The following DLGAP1 variants were observed in gnomAD, a reference collection of about 807,000 sequenced individuals.
DLGAP1 encodes disks large-associated protein 1.
In DLGAP1, 11 loss-of-function variants were observed where a neutral mutation model predicts 90.8. The ratio of observed to expected loss-of-function variants is 0.12; its 90% CI spans 0.08 to 0.20. The LOEUF is 0.20. Ranked by LOEUF, DLGAP1 falls within the 10% of genes least tolerant of loss-of-function variation. The pLI is 1.00. For missense variants in DLGAP1, 1,050 were observed against 1,333.8 expected, an observed-to-expected ratio of 0.79 and a Z score of 3.31; for synonymous variants, 558 against 540.7, an observed-to-expected ratio of 1.03 and a Z score of -0.44.
chr18:4,356,548 A>C (rs1426181182), intron 1 of DLGAP1, among the ~76,000 whole-genome samples: 2 of 152,142 alleles, frequency 1.3e-5, no homozygotes, highest in African/African-American at 4.8e-5. Context: ...ATCATGTCCA[A>C]TCCATCAGAA....
chr18:4,083,768 G>C (rs2075644929), intron 2 of DLGAP1, among the ~76,000 whole-genome samples: 1 of 152,116 alleles, frequency 6.6e-6, no homozygotes, highest in African/African-American at 2.4e-5. Context: ...GTCATGGGGA[G>C]CGTGGGCTCT....
intron 7 of DLGAP1, among the ~76,000 whole-genome samples, chr18:3,710,232 T>C (rs2061557867): frequency 6.6e-6 from 1 of 152,108 alleles, no homozygotes; most frequent in South Asian, 2.1e-4. Flanking sequence ...CTTATCCTAC[T>C]CCTACCAAAA....
chr18:3,980,516 T>A (rs2073705267), intron 3 of DLGAP1, among the ~76,000 whole-genome samples: 2 of 152,212 alleles, frequency 1.3e-5, no homozygotes, highest in Admixed American at 1.3e-4. Flanking sequence ...TTTAAATGTG[T>A]TTGCAAAAGG....
chr18:3,640,434 C>T (rs1041221493), intron 7 of DLGAP1, among the ~76,000 whole-genome samples: 6 of 152,192 alleles, frequency 3.9e-5, no homozygotes, highest in African/African-American at 7.2e-5. Flanking sequence ...TGCTACACAG[C>T]GAGACAGACA....
intron 4 of DLGAP1, among the ~76,000 whole-genome samples, chr18:3,847,804 C>G (rs143159603): frequency 3.9e-5 from 6 of 152,012 alleles, no homozygotes; most frequent in Admixed American, 6.6e-5. Context: ...AGTGCCTACA[C>G]AAAGTGCCCC....
intron 2 of DLGAP1, among the ~76,000 whole-genome samples, chr18:4,101,449 T>A (rs2075776726): frequency 6.6e-6 from 1 of 152,160 alleles, no homozygotes; most frequent in Admixed American, 6.5e-5. Flanking sequence ...CTACAATAGA[T>A]AACATACTCA....
rs185789948 is a variant in DLGAP1 at position 4,295,226 on chromosome 18, G to A, written c.-266-143939C>T. On this transcript the variant is annotated intron_variant, in intron 1 of 12. Transcript: ENST00000315677. ...TGTGGTACCCAGTTGGTGCAGACGC[G>A]AAATTCATCTGTTTCTTTATGTTTT... is the stretch of plus-strand genomic sequence containing the variant. 13 of 152,200 alleles carry A rather than the reference G, an allele frequency of 8.5e-5. 2 individuals are homozygous for A. The East Asian group carries it at 2.3e-3, about 27-fold the overall frequency. 9.4% of individuals were successfully genotyped at this position (152,200 alleles called of 1,614,324 possible).
At chr18:3,593,268 C>A (rs953743682) in intron 7 of DLGAP1, among the ~76,000 whole-genome samples, 3 of 152,230 alleles carry the variant, frequency 2.0e-5, no homozygotes, top group Non-Finnish European at 2.9e-5. Flanking sequence ...GAGTGGTCAA[C>A]AAGGGGTGCA....
chr18:4,116,235 T>A (rs914555429), intron 2 of DLGAP1, among the ~76,000 whole-genome samples: 1 of 152,186 alleles, frequency 6.6e-6, no homozygotes, highest in Non-Finnish European at 1.5e-5. Context: ...CAATTGTTAA[T>A]CTTTTTGAGA....
chr18:4,145,126 C>CT (rs1391509430), intron 2 of DLGAP1, among the ~76,000 whole-genome samples: 9 of 152,158 alleles, frequency 5.9e-5, no homozygotes, highest in Admixed American at 2.0e-4. Flanking sequence ...TCACCACCCC[C>CT]ACAATATGTC....
At chr18:4,404,005 C>T (rs1206382614) in intron 1 of DLGAP1, among the ~76,000 whole-genome samples, 3 of 152,100 alleles carry the variant, frequency 2.0e-5, no homozygotes, top group Non-Finnish European at 4.4e-5. Flanking sequence ...TTTAAACTTC[C>T]CAGTCCCAGT....
chr18:4,382,926 T>C (rs963845777), intron 1 of DLGAP1, among the ~76,000 whole-genome samples: 5 of 152,164 alleles, frequency 3.3e-5, no homozygotes, highest in Admixed American at 1.3e-4. Context: ...ACTGGATTAC[T>C]TGAAAGCCAG....
chr18:4,057,000 T>TACAC (rs1435727039), intron 2 of DLGAP1, among the ~76,000 whole-genome samples: 16 of 94,904 alleles, frequency 1.7e-4, no homozygotes, highest in Admixed American at 3.8e-4. Flanking sequence ...CAACTGACCA[T>TACAC]ACATACACAC....
intron 2 of DLGAP1, among the ~76,000 whole-genome samples, chr18:4,051,104 T>C (rs946318210): frequency 6.6e-6 from 1 of 152,214 alleles, no homozygotes; most frequent in Non-Finnish European, 1.5e-5. Flanking sequence ...GTTGTTTCTT[T>C]TGGGGGCAGC....
intron 1 of DLGAP1, among the ~76,000 whole-genome samples, chr18:4,354,283 C>T (rs146365568): frequency 2.0e-5 from 3 of 152,214 alleles, no homozygotes; most frequent in East Asian, 3.9e-4. Context: ...AAACCTAGAA[C>T]GATTACTCTA....
intron 2 of DLGAP1, among the ~76,000 whole-genome samples, chr18:4,136,630 C>T (rs180891896): frequency 2.0e-5 from 3 of 152,242 alleles, no homozygotes; most frequent in Non-Finnish European, 4.4e-5. Flanking sequence ...CTTATATATT[C>T]TTGTTATTAA....
At chr18:3,604,575 C>T (rs2057236985) in intron 7 of DLGAP1, among the ~76,000 whole-genome samples, 1 of 152,154 alleles carries the variant, frequency 6.6e-6, no homozygotes, top group Non-Finnish European at 1.5e-5. Context: ...TTATCTGCCC[C>T]GAGTTCAAGC....
At chr18:3,598,758 G>A (rs543717951) in intron 7 of DLGAP1, among the ~76,000 whole-genome samples, 9 of 151,690 alleles carry the variant, frequency 5.9e-5, no homozygotes, top group Non-Finnish European at 7.4e-5. Context: ...GTGAGCCACC[G>A]CGCCCGGTCC....
intron 1 of DLGAP1, among the ~76,000 whole-genome samples, chr18:4,163,184 T>C (rs2076874860): frequency 6.6e-6 from 1 of 152,240 alleles, no homozygotes; most frequent in Non-Finnish European, 1.5e-5. Context: ...ATGGGCTGAA[T>C]TGCTGGACAT....
Sources: allele counts gnomAD v4.1 joint callset (sites outside exome capture counted in the v4.1 genomes callset), GRCh38; gene constraint gnomAD v4.1.1; transcripts MANE v1.5; gene names NCBI Gene and HGNC (gene_info 2026-07-23, HGNC 2026-07-21).